The following CCSER1 variants were observed in gnomAD, a reference collection of about 807,000 sequenced individuals.
CCSER1 encodes the protein coiled-coil serine rich protein 1.
A neutral mutation model predicts 82.0 loss-of-function variants in CCSER1; 41 were observed. The observed-to-expected ratio is 0.50, with a 90% CI of 0.39 to 0.65. CCSER1 has a LOEUF of 0.65. Ranked by LOEUF, CCSER1 falls within the 30% of genes least tolerant of loss-of-function variation. The pLI is 0.00. For synonymous variants in CCSER1, 414 were observed against 383.9 expected, an observed-to-expected ratio of 1.08 and a Z score of -0.92; for missense variants, 1,119 against 1,064.2, an observed-to-expected ratio of 1.05 and a Z score of -0.72.
chr4:91,190,519 A>C (rs1335464583), intron 10 of CCSER1, among the ~76,000 whole-genome samples: 1 of 152,184 alleles, frequency 6.6e-6, no homozygotes, highest in African/African-American at 2.4e-5. Context: ...AATTTTTTGA[A>C]CTTAAGAATT....
intron 10 of CCSER1, among the ~76,000 whole-genome samples, chr4:91,580,269 T>C (rs1180059089): frequency 6.6e-6 from 1 of 151,870 alleles, no homozygotes; most frequent in Non-Finnish European, 1.5e-5. Flanking sequence ...CTTATTTTTG[T>C]TATAGACATC....
At chr4:91,413,193 G>A (rs867155634) in intron 10 of CCSER1, among the ~76,000 whole-genome samples, 6 of 151,872 alleles carry the variant, frequency 4.0e-5, no homozygotes, top group East Asian at 3.9e-4. Context: ...CTGTAATCCC[G>A]GCACTTTGGG....
intron 10 of CCSER1, among the ~76,000 whole-genome samples, chr4:91,167,646 G>C (rs984777423): frequency 6.6e-6 from 1 of 152,140 alleles, no homozygotes; most frequent in Non-Finnish European, 1.5e-5. Flanking sequence ...TTATGCAACT[G>C]TTTGCTTAAT....
chr4:90,571,570 A>C (rs1780121826), intron 5 of CCSER1, among the ~76,000 whole-genome samples: 1 of 152,186 alleles, frequency 6.6e-6, no homozygotes, highest in African/African-American at 2.4e-5. Context: ...TAAAGATGGG[A>C]CAATAGACAA....
chr4:90,644,833 G>A (rs1004682999), intron 6 of CCSER1, among the ~76,000 whole-genome samples: 1 of 151,908 alleles, frequency 6.6e-6, no homozygotes, highest in Non-Finnish European at 1.5e-5. Context: ...TATAATCCCA[G>A]CACTTTGGGA....
intron 10 of CCSER1, among the ~76,000 whole-genome samples, chr4:91,421,949 C>T (rs1325396309): frequency 6.6e-6 from 1 of 152,022 alleles, no homozygotes; most frequent in Non-Finnish European, 1.5e-5. Flanking sequence ...GAAATGCAGG[C>T]AAGCTTTAGA....
chr4:90,259,400 C>T (rs1020336923), intron 1 of CCSER1, among the ~76,000 whole-genome samples: 1 of 151,986 alleles, frequency 6.6e-6, no homozygotes, highest in Non-Finnish European at 1.5e-5. Flanking sequence ...GGTATATGAT[C>T]ATATCATCAG....
intron 1 of CCSER1, among the ~76,000 whole-genome samples, chr4:90,149,635 C>T (rs1726434344): frequency 6.6e-6 from 1 of 152,078 alleles, no homozygotes. Flanking sequence ...TCTTTGGCCT[C>T]TATATGACAA....
chr4:91,050,483 A>T (rs939698894), intron 9 of CCSER1, among the ~76,000 whole-genome samples: 2 of 152,090 alleles, frequency 1.3e-5, no homozygotes, highest in African/African-American at 4.8e-5. Context: ...TCTTTGTGTA[A>T]ATGGTTTAAC....
chr4:91,428,379 A>AGT (rs1006077849), intron 10 of CCSER1, among the ~76,000 whole-genome samples: 1 of 152,090 alleles, frequency 6.6e-6, no homozygotes, highest in African/African-American at 2.4e-5. Flanking sequence ...TTCAAAATGC[A>AGT]GTGGACATGT....
At chr4:91,256,556 C>A (rs1484531944) in intron 10 of CCSER1, among the ~76,000 whole-genome samples, 1 of 152,094 alleles carries the variant, frequency 6.6e-6, no homozygotes, top group East Asian at 1.9e-4. Context: ...TGATGTCTCC[C>A]AAGGCTTTAA....
chr4:91,386,130 A>C (rs1419795484), intron 10 of CCSER1, among the ~76,000 whole-genome samples: 1 of 151,678 alleles, frequency 6.6e-6, no homozygotes, highest in Non-Finnish European at 1.5e-5. Flanking sequence ...ACCATTCCCC[A>C]GTGAATGGAC....
chr4:90,454,645 T>C (rs1443362320), intron 4 of CCSER1, among the ~76,000 whole-genome samples: 1 of 152,146 alleles, frequency 6.6e-6, no homozygotes, highest in East Asian at 1.9e-4. Context: ...ATTCTTCTAA[T>C]TGGATTGGCA....
chr4:91,040,659 G>T (rs1283657351), intron 9 of CCSER1, among the ~76,000 whole-genome samples: 1 of 152,146 alleles, frequency 6.6e-6, no homozygotes, highest in Non-Finnish European at 1.5e-5. Context: ...CAACTGATAG[G>T]CCAGTCCAGT....
chr4:90,339,502 C>T (rs780452790), intron 3 of CCSER1, among the ~76,000 whole-genome samples: 1 of 152,160 alleles, frequency 6.6e-6, no homozygotes, highest in Non-Finnish European at 1.5e-5. Context: ...TCCTTGCTTT[C>T]GCTCTCCAGT....
chr4:91,312,647 T>C (rs1745566996), intron 10 of CCSER1, among the ~76,000 whole-genome samples: 1 of 151,918 alleles, frequency 6.6e-6, no homozygotes, highest in Middle Eastern at 3.2e-3. Flanking sequence ...CCATACTCAC[T>C]AAAAGAGTTT....
intron 10 of CCSER1, among the ~76,000 whole-genome samples, chr4:91,184,113 C>A (rs1734301897): frequency 6.6e-6 from 1 of 152,184 alleles, no homozygotes; most frequent in Admixed American, 6.5e-5. Context: ...TGCAAGTGAT[C>A]ATAACATTGG....
intron 7 of CCSER1, among the ~76,000 whole-genome samples, chr4:90,754,927 C>T (rs377073824): frequency 6.6e-6 from 1 of 152,144 alleles, no homozygotes; most frequent in African/African-American, 2.4e-5. Context: ...TAACATTCTG[C>T]TCCCCTTTCC....
intron 10 of CCSER1, among the ~76,000 whole-genome samples, chr4:91,223,169 C>T (rs1737885122): frequency 6.6e-6 from 1 of 151,646 alleles, no homozygotes; most frequent in African/African-American, 2.4e-5. Context: ...AAAGAAAAAG[C>T]AAGCAAACAG....
Sources: gnomAD v4.1 joint callset for allele counts (sites outside exome capture counted in the v4.1 genomes callset) on GRCh38, gnomAD v4.1.1 for gene constraint, MANE v1.5 for transcripts, NCBI Gene and HGNC (gene_info 2026-07-23, HGNC 2026-07-21) for gene names.